Variants in PTPRN2 observed in about 807,000 individuals in gnomAD.
PTPRN2 encodes the protein protein tyrosine phosphatase receptor type N2.
In PTPRN2, 74 loss-of-function variants were observed where a neutral mutation model predicts 118.8. The observed-to-expected ratio is 0.62, with a 90% CI of 0.52 to 0.76. The LOEUF is 0.76. PTPRN2 is among the 30% of genes least tolerant of loss of function. The probability of loss-of-function intolerance (pLI) is 0.00; values close to 1 mark genes in which losing one functional copy is unlikely to be tolerated. For missense variants in PTPRN2, 1,481 were observed against 1,394.4 expected (o/e 1.06, Z -0.99); for synonymous variants, 641 against 608.0 (o/e 1.05, Z -0.80).
intron 2 of PTPRN2, among the ~76,000 whole-genome samples, chr7:158,341,198 G>A (rs1382020199): frequency 8.2e-6 from 1 of 122,010 alleles, no homozygotes; most frequent in East Asian, 2.4e-4. Flanking sequence ...ACCATAAGAG[G>A]TAACACCTGC....
intron 1 of PTPRN2, among the ~76,000 whole-genome samples, chr7:158,492,052 G>A (rs1206033302): frequency 6.6e-6 from 1 of 152,150 alleles, no homozygotes; most frequent in East Asian, 1.9e-4. Flanking sequence ...CTCACGCAGT[G>A]ACCTCCAAGG....
At chr7:158,521,812 A>G (rs1482548342) in intron 1 of PTPRN2, among the ~76,000 whole-genome samples, 25 of 54,332 alleles carry the variant, frequency 4.6e-4, no homozygotes, top group East Asian at 2.3e-3. Context: ...CTGGCTCGGG[A>G]GGGAGGTCCA....
chr7:158,267,350 T>A (rs1797954938), intron 3 of PTPRN2, among the ~76,000 whole-genome samples: 1 of 152,068 alleles, frequency 6.6e-6, no homozygotes, highest in Admixed American at 6.6e-5. Flanking sequence ...GCAACCTTGT[T>A]AGAAGGGACA....
At chr7:158,401,042 G>A (rs1038480025) in intron 2 of PTPRN2, among the ~76,000 whole-genome samples, 2 of 152,162 alleles carry the variant, frequency 1.3e-5, no homozygotes. Context: ...CCCAGGAACC[G>A]ACACGCACGA....
intron 1 of PTPRN2, among the ~76,000 whole-genome samples, chr7:158,578,335 T>C (rs2129451941): frequency 6.6e-6 from 1 of 150,858 alleles, no homozygotes; most frequent in South Asian, 2.1e-4. Context: ...ATGCCTATAA[T>C]CTCAGCAGTT....
Position 157,618,929 on chromosome 7 carries a change from C to A in PTPRN2, c.2344+2433G>T, listed in dbSNP as rs114613579. On this transcript the variant is annotated intron_variant, in intron 15 of 22. Coordinates refer to ENST00000389418, the MANE Select transcript of PTPRN2 (RefSeq NM_002847.5). This position sits in a 1 kb window ranked among gnomAD's most constrained non-coding sequence, Gnocchi z 4.2. Reference sequence around the variant, plus strand: ...AGGCAGCTTCTTTCTGGCTCCAGTGCGAGTCTCGGGAGGGAGGTGCTTTCC... The same window carrying A: ...AGGCAGCTTCTTTCTGGCTCCAGTGAGAGTCTCGGGAGGGAGGTGCTTTCC... 1.0e-3 allele frequency among the ~76,000 whole-genome samples: 158 copies of A among 152,152 alleles called. No homozygotes were observed. The highest frequency in any genetic ancestry group is 6.8e-3 in the Middle Eastern group (2 of 294).
intron 12 of PTPRN2, among the ~76,000 whole-genome samples, chr7:157,776,197 T>C: frequency 7.4e-6 from 1 of 135,268 alleles, no homozygotes; most frequent in Admixed American, 7.3e-5. Context: ...CTTCACTTCC[T>C]CCCTCTCCTC....
intron 11 of PTPRN2, among the ~76,000 whole-genome samples, chr7:157,983,387 G>T (rs554797977): frequency 1.1e-3 from 169 of 149,980 alleles, no homozygotes; most frequent in Non-Finnish European, 2.2e-3. Context: ...GGAGGGGAAT[G>T]CAGAGTACTG....
chr7:158,070,705 GGCGGAGGTGCCTGTGGT>G (rs1811253385), intron 11 of PTPRN2, among the ~76,000 whole-genome samples: 10 of 126,698 alleles, frequency 7.9e-5, no homozygotes, highest in Admixed American at 1.5e-4. Flanking sequence ...TGCCCCTGGT[GGCGGAGGTGCCTGTGGT>G]GTGGAGGTGC....
chr7:158,103,339 G>A (rs1585445391), intron 10 of PTPRN2, among the ~76,000 whole-genome samples: 1 of 152,202 alleles, frequency 6.6e-6, no homozygotes, highest in East Asian at 1.9e-4. Context: ...GATGGCAGGT[G>A]GCTCCTTCCA....
At chr7:158,317,537 C>T (rs1802436587) in intron 2 of PTPRN2, among the ~76,000 whole-genome samples, 1 of 152,240 alleles carries the variant, frequency 6.6e-6, no homozygotes, top group Non-Finnish European at 1.5e-5. Flanking sequence ...TCATCAACAT[C>T]CTTTCCAACC....
intron 2 of PTPRN2, among the ~76,000 whole-genome samples, chr7:158,431,376 C>G (rs1816163468): frequency 6.8e-6 from 1 of 146,592 alleles, no homozygotes; most frequent in African/African-American, 2.5e-5. Flanking sequence ...AGGCACACAC[C>G]AGGCACACTG....
chr7:157,550,034 C>G lies in PTPRN2; in HGVS notation c.2903-1015G>C, dbSNP rs1208773200. Among the ~76,000 whole-genome samples the G allele has an allele frequency of 3.3e-5, 5 of 152,250 alleles. No homozygotes were observed. The highest frequency in any genetic ancestry group is 1.2e-4 in the African/African-American group (5 of 41,464). ...CCATTGGAACCCCAACTACCGTGGG[C>G]AGGACAGCGCTGGCCGAAGACCTGA... On this transcript the variant is annotated intron_variant, in intron 21 of 22. Coordinates refer to ENST00000389418, the MANE Select transcript of PTPRN2 (RefSeq NM_002847.5). The surrounding 1 kb of genome is among the most constrained non-coding windows in gnomAD (Gnocchi z 5.2).
chr7:158,371,762 G>C (rs1810013551), intron 2 of PTPRN2, among the ~76,000 whole-genome samples: 1 of 152,178 alleles, frequency 6.6e-6, no homozygotes, highest in African/African-American at 2.4e-5. Flanking sequence ...ATCAGACATT[G>C]AGAAACAAAG....
rs536726553 is a variant in PTPRN2, at chr7:158,287,105, C to A, written c.277+29714G>T. On this transcript the variant is annotated intron_variant, in intron 3 of 22. Transcript: ENST00000389418. The stretch of plus-strand genomic sequence containing the variant: ...TCATATGCTTAGGGATTTTCCATTT[C>A]TTCTGGGTTATCCAATTTTTGGCAT... 2.8e-4 allele frequency among the ~76,000 whole-genome samples: 43 copies of A among 152,194 alleles called. No individual in the cohort carries two copies. The South Asian group carries it at 8.9e-3, about 32-fold the overall frequency.
intron 11 of PTPRN2, among the ~76,000 whole-genome samples, chr7:158,033,246 G>A (rs1466146506): frequency 1.5e-5 from 2 of 131,924 alleles, no homozygotes; most frequent in African/African-American, 3.1e-5. Flanking sequence ...ACATGGAGCT[G>A]TGGTGATCTT....
At chr7:158,075,488 C>T (rs893858092) in intron 11 of PTPRN2, among the ~76,000 whole-genome samples, 2 of 152,110 alleles carry the variant, frequency 1.3e-5, no homozygotes, top group Non-Finnish European at 2.9e-5. Flanking sequence ...ACACTGCAGG[C>T]CCCCTCCCCG....
chr7:158,211,986 G>A (rs977756867), intron 3 of PTPRN2, among the ~76,000 whole-genome samples: 12 of 152,068 alleles, frequency 7.9e-5, no homozygotes, highest in African/African-American at 2.9e-4. Context: ...ACAGATGAAT[G>A]GATTTTTAAA....
chr7:158,346,282 T>C (rs1807506184), intron 2 of PTPRN2, among the ~76,000 whole-genome samples: 1 of 152,182 alleles, frequency 6.6e-6, no homozygotes, highest in Admixed American at 6.5e-5. Context: ...CCACCTGTTA[T>C]CTCCCCATTC....
Sources: gnomAD v4.1 joint callset for allele counts (sites outside exome capture counted in the v4.1 genomes callset) on GRCh38, gnomAD v4.1.1 for gene constraint, Gnocchi (gnomAD v3.1) non-coding constraint, MANE v1.5 for transcripts, NCBI Gene and HGNC (gene_info 2026-07-23, HGNC 2026-07-21) for gene names.